Variants in CNTN2 observed in about 807,000 individuals in gnomAD.
The protein encoded by CNTN2 is contactin-2.
CNTN2 carries 53 observed loss-of-function variants against 117.5 expected under a neutral mutation model. The observed-to-expected ratio is 0.45, with a 90% CI of 0.36 to 0.57. CNTN2 has a LOEUF of 0.57. Among genes scored for constraint, CNTN2 ranks in the 20% least tolerant of loss-of-function variants. The pLI is 0.00. For missense variants in CNTN2, 1,106 were observed against 1,404.3 expected (o/e 0.79, Z 3.39); for synonymous variants, 530 against 561.7 (o/e 0.94, Z 0.80).
intron 19 of CNTN2, 32 bp from the exon 20 acceptor site, chr1:205,071,915 T>A: frequency 1.3e-6 from 2 of 1,587,618 alleles, no homozygotes; most frequent in Non-Finnish European, 1.7e-6. Flanking sequence ...TGGGCTTGAC[T>A]ACTACCCCTT....
At chr1:205,062,078 C>T in intron 9 of CNTN2, 77 bp downstream of exon 9, 2 of 1,533,584 alleles carry the variant, frequency 1.3e-6, no homozygotes, top group Non-Finnish European at 1.8e-6. Context: ...CCCAGAACTT[C>T]CCCTGCACCA....
intron 7 of CNTN2, chr1:205,060,811 G>A (rs1420933926): frequency 6.1e-6 from 1 of 165,146 alleles, no homozygotes; most frequent in Admixed American, 6.4e-5. Flanking sequence ...TTAGTGCACA[G>A]ATTACTACTA....
At chr1:205,069,325 G>A (rs1467000407) in intron 16 of CNTN2, 166 bp from the exon 17 acceptor site, 3 of 569,192 alleles carry the variant, frequency 5.3e-6, no homozygotes, top group Admixed American at 6.8e-5. Context: ...TTGATTTCAG[G>A]ACTGCCTGAC....
At position 205,075,423 on chromosome 1, in the gene CNTN2, A is replaced by T. The variant is rs1654809564; in HGVS notation, c.*1658A>T. On this transcript the variant is annotated 3_prime_UTR_variant, in exon 23 of 23. Coordinates refer to ENST00000331830, the MANE Select transcript of CNTN2 (RefSeq NM_005076.5). ...TTCCCTAGGCAAGAGCAGCAGCACAACTAGGAAACCCCAAAGCCCATGCTC... is the reference window on the plus strand; with the variant it reads ...TTCCCTAGGCAAGAGCAGCAGCACATCTAGGAAACCCCAAAGCCCATGCTC... 6.5e-6 allele frequency: 1 copy of T among 152,728 alleles called. No homozygotes were observed. Among genetic ancestry groups the T allele is most frequent in the African/African-American group, 2.4e-5 (1 of 41,432 alleles). 9.5% of individuals were successfully genotyped at this position (152,728 alleles called of 1,614,324 possible).
At chr1:205,044,443 G>C (rs1460852672) in intron 1 of CNTN2, among the ~76,000 whole-genome samples, 1 of 147,124 alleles carries the variant, frequency 6.8e-6, no homozygotes. Context: ...ACCCCTGGGG[G>C]TTGAGCCTGT....
In CNTN2 at chr1:205,064,748, G is replaced by T; in HGVS notation, c.1517G>T (p.Arg506Leu). 1.9e-6 allele frequency: 3 copies of T among 1,613,932 alleles called. No individual in the cohort carries two copies. Among genetic ancestry groups the T allele is most frequent in the Non-Finnish European group, 2.5e-6 (3 of 1,179,980 alleles). ...AACAGCACTGGAATCCTATCTGTGC[G>T]AGGTGAGGGCTGCCATGTGGGTAGG... ...KANSTGILSV[R>L]DATKITLAPS... is the part of the protein sequence containing the mutation. Residue 506 changes from arginine to leucine, a missense_variant and splice_region_variant, in exon 12 of 23, where the codon CGA becomes CTA. Coordinates refer to ENST00000331830, the MANE Select transcript of CNTN2 (RefSeq NM_005076.5).
Position 205,064,377 on chromosome 1 carries a change from C to T in CNTN2, c.1296C>T (p.Arg432=), listed in dbSNP as rs781749087. Residue 432 remains arginine (R), a synonymous_variant, in exon 11 of 23, where the codon CGC becomes CGT. Transcript: ENST00000331830. ...TGAGGCGTCTGATCCCCGCGGCCCG[C>T]GGGGGAGAGATCCTTATCCCCTGCC... is the stretch of plus-strand genomic sequence containing the variant. The part of the protein sequence containing the change: ...NPVRRLIPAA[R]GGEILIPCQP... 2.4e-5 allele frequency: 39 copies of T among 1,609,612 alleles called. No homozygotes were observed. Among genetic ancestry groups the T allele is most frequent in the Middle Eastern group, 3.3e-4 (2 of 6,070 alleles).
rs1653998028 is a variant in CNTN2 at position 205,061,847 on chromosome 1, T to A, written c.974-18T>A. 3.3e-6 allele frequency: 5 copies of A among 1,503,154 alleles called. 1 individual carries two copies. In the Admixed American group the frequency reaches 1.2e-4, roughly 35 times the overall value. 93.1% of individuals were successfully genotyped at this position (1,503,154 alleles called of 1,614,324 possible). A position where few individuals can be genotyped will look rare whatever the true frequency, so the allele number is the denominator to read the frequency against. ...TCCTCCTAGCTCATGCCAGGTTTTCTTTTCCGGGCTCCCACAGCTCAGCCT... is the reference window on the plus strand; with the variant it reads ...TCCTCCTAGCTCATGCCAGGTTTTCATTTCCGGGCTCCCACAGCTCAGCCT... On this transcript the variant is annotated intron_variant, in intron 8 of 22. Coordinates refer to ENST00000331830, the MANE Select transcript of CNTN2 (RefSeq NM_005076.5). The surrounding 1 kb of genome is among the most constrained non-coding windows in gnomAD (Gnocchi z 4.8).
intron 16 of CNTN2, chr1:205,068,060 G>C (rs1654398485): frequency 6.6e-6 from 1 of 152,142 alleles, no homozygotes; most frequent in African/African-American, 2.4e-5. Flanking sequence ...GTTTCTTTGG[G>C]AGCAGATGGA....
intron 2 of CNTN2, among the ~76,000 whole-genome samples, chr1:205,054,238 C>T (rs1339682685): frequency 1.3e-5 from 2 of 152,242 alleles, no homozygotes; most frequent in African/African-American, 4.8e-5. Context: ...ACCCCACACC[C>T]CCTGCAAGGC....
chr1:205,044,458 TGG>T (rs34682563), intron 1 of CNTN2, among the ~76,000 whole-genome samples: 7 of 100,804 alleles, frequency 6.9e-5, no homozygotes, highest in African/African-American at 1.2e-4. Flanking sequence ...GCCTGTGTCC[TGG>T]GGGGGGGGGT....
Position 205,059,811 on chromosome 1 carries a change from C to T in CNTN2, c.797+129C>T. ...ACAGGGTCTAGCAAAGTACTGGGCA[C>T]ACAGTGGGTATCGACCACCACTCAC... On this transcript the variant is annotated intron_variant, in intron 7 of 22. Coordinates refer to ENST00000331830, the MANE Select transcript of CNTN2 (RefSeq NM_005076.5). The surrounding 1 kb of genome is among the most constrained non-coding windows in gnomAD (Gnocchi z 5.6). 1.4e-6 allele frequency: 1 copy of T among 718,152 alleles called. No individual in the cohort carries two copies. Among genetic ancestry groups the T allele is most frequent in the Non-Finnish European group, 2.4e-6 (1 of 411,600 alleles). The allele number at this position is 718,152 out of a possible 1,614,324, so 44.5% of individuals were successfully genotyped here.
chr1:205,073,996 TG>T lies in CNTN2; in HGVS notation c.*232del, dbSNP rs1385228960. 1 of 599,232 alleles carries T rather than the reference TG, an allele frequency of 1.7e-6. No homozygotes were observed. Among genetic ancestry groups the T allele is most frequent in the African/African-American group, 1.9e-5 (1 of 53,826 alleles). 37.1% of individuals were successfully genotyped at this position (599,232 alleles called of 1,614,324 possible). A position where few individuals can be genotyped will look rare whatever the true frequency, so the allele number is the denominator to read the frequency against. ...GAGAGGCACCAGGCAGTAACTTCCA[TG>T]ATGACACTGACGCCTATACCTGAGC... On this transcript the variant is annotated 3_prime_UTR_variant, in exon 23 of 23. Transcript: ENST00000331830. The surrounding 1 kb of genome is among the most constrained non-coding windows in gnomAD (Gnocchi z 6.3).
intron 15 of CNTN2, 106 bp from the exon 16 acceptor site, chr1:205,066,994 AC>A: frequency 7.3e-7 from 1 of 1,376,552 alleles, no homozygotes; most frequent in South Asian, 1.4e-5. Flanking sequence ...TATGGCAAGT[AC>A]CGAAGTGAGG....
At chr1:205,046,342 G>A (rs770736058) in intron 1 of CNTN2, among the ~76,000 whole-genome samples, 2 of 152,170 alleles carry the variant, frequency 1.3e-5, no homozygotes, top group African/African-American at 4.8e-5. Flanking sequence ...AGTTCACTAC[G>A]TAGGTGGGGA....
chr1:205,054,271 C>T (rs2096457538), intron 2 of CNTN2, among the ~76,000 whole-genome samples: 1 of 152,226 alleles, frequency 6.6e-6, no homozygotes, highest in Admixed American at 6.5e-5. Context: ...ATTTCAGGTC[C>T]TTTGTCTCAC....
chr1:205,048,910 C>CGTGT lies in CNTN2; in HGVS notation c.-86-4143_-86-4140dup, dbSNP rs4017875. Among the ~76,000 whole-genome samples the CGTGT allele has an allele frequency of 0.011, 1,378 of 127,862 alleles. 13 individuals carry two copies. Among genetic ancestry groups the CGTGT allele is most frequent in the African/African-American group, 0.014 (459 of 33,744 alleles). 83.9% of individuals were successfully genotyped at this position (127,862 alleles called of 152,430 possible). Reference sequence around the variant, plus strand: ...GCTCCAGCCTTTAGCCCAGACTCTGCGTGTGTGTGTGTGTGTGTGTGTGTG... The same window carrying CGTGT: ...GCTCCAGCCTTTAGCCCAGACTCTGCGTGTGTGTGTGTGTGTGTGTGTGTGTGTG... On this transcript the variant is annotated intron_variant, in intron 1 of 22. Transcript: ENST00000331830. This position sits in a 1 kb window ranked among gnomAD's most constrained non-coding sequence, Gnocchi z 4.1.
chr1:205,049,368 T>C (rs1160092212), intron 1 of CNTN2, among the ~76,000 whole-genome samples: 1 of 147,670 alleles, frequency 6.8e-6, no homozygotes, highest in Non-Finnish European at 1.5e-5. Flanking sequence ...CACAGACACA[T>C]AGACACATAC....
Position 205,073,767 on chromosome 1 carries a change from C to A in CNTN2, c.*2C>A. On this transcript the variant is annotated 3_prime_UTR_variant, in exon 23 of 23. Transcript: ENST00000331830. The surrounding 1 kb of genome is among the most constrained non-coding windows in gnomAD (Gnocchi z 6.3). ...CTCATAGGCTCCCTGGAGCTCTGAT[C>A]CTGGAACCCCTCCCTCTGCGCCGCA... 6.2e-7 allele frequency: 1 copy of A among 1,611,930 alleles called. No homozygotes were observed. The highest frequency in any genetic ancestry group is 1.3e-5 in the African/African-American group (1 of 75,034).
Sources: gnomAD v4.1 joint callset for allele counts (sites outside exome capture counted in the v4.1 genomes callset) on GRCh38, gnomAD v4.1.1 for gene constraint, Gnocchi (gnomAD v3.1) non-coding constraint, MANE v1.5 for transcripts, NCBI Gene and HGNC (gene_info 2026-07-23, HGNC 2026-07-21) for gene names.